Variants in RCSD1 observed in about 807,000 individuals in gnomAD.
RCSD1 encodes capZ-interacting protein.
RCSD1 carries 26 observed loss-of-function variants against 42.5 expected under a neutral mutation model. That is an observed-to-expected ratio of 0.61 (90% CI 0.45 to 0.85). RCSD1 has a LOEUF of 0.85. Ranked by LOEUF, RCSD1 falls within the 40% of genes least tolerant of loss-of-function variation. RCSD1 has a pLI of 0.00. For missense variants in RCSD1, 571 were observed against 528.3 expected (o/e 1.08, Z -0.79); for synonymous variants, 220 against 212.2 (o/e 1.04, Z -0.32).
intron 5 of RCSD1, 69 bp from the exon 6 acceptor site, chr1:167,697,030 T>G: frequency 7.0e-7 from 1 of 1,437,312 alleles, no homozygotes; most frequent in South Asian, 1.3e-5. Context: ...ACATTGAAAG[T>G]GCATACAGTC....
chr1:167,698,077 G>T (rs1175294125), intron 6 of RCSD1, among the ~76,000 whole-genome samples: 1 of 152,204 alleles, frequency 6.6e-6, no homozygotes, highest in African/African-American at 2.4e-5. Context: ...TCGCTGACTT[G>T]GAGTTCTGGC....
intron 1 of RCSD1, among the ~76,000 whole-genome samples, chr1:167,674,991 A>T (rs180886116): frequency 6.6e-6 from 1 of 151,962 alleles, no homozygotes; most frequent in Non-Finnish European, 1.5e-5. Context: ...TGAATCACAA[A>T]GTCAGGAGAT....
chr1:167,705,286 C>G lies in RCSD1; in HGVS notation c.*590C>G, dbSNP rs1028027652. The G allele has an allele frequency of 6.6e-6, 1 of 152,056 alleles. No individual in the cohort carries two copies. Among genetic ancestry groups the G allele is most frequent in the Non-Finnish European group, 1.5e-5 (1 of 68,072 alleles). 9.4% of individuals were successfully genotyped at this position (152,056 alleles called of 1,614,324 possible). ...TTTGATCCAAATTTGAACTGGCCAA[C>G]CAGTCTTTAAAACACTGGACTAGAA... On this transcript the variant is annotated 3_prime_UTR_variant, in exon 7 of 7. Transcript: ENST00000367854.
In RCSD1 at chr1:167,705,022, G is replaced by A; in HGVS notation, c.*326G>A. 4.1e-6 allele frequency: 1 copy of A among 246,566 alleles called. No individual in the cohort carries two copies. Among genetic ancestry groups the A allele is most frequent in the Non-Finnish European group, 7.9e-6 (1 of 126,144 alleles). 15.3% of individuals were successfully genotyped at this position (246,566 alleles called of 1,614,324 possible). On this transcript the variant is annotated 3_prime_UTR_variant, in exon 7 of 7. Transcript: ENST00000367854. ...GGCACTGGTCAGCCTGTGGAGCCCT[G>A]GATGCTATCCACACCCACCTATCCC...
intron 4 of RCSD1, among the ~76,000 whole-genome samples, chr1:167,691,929 T>C (rs1189150219): frequency 6.6e-6 from 1 of 152,142 alleles, no homozygotes; most frequent in Non-Finnish European, 1.5e-5. Flanking sequence ...CCTCCTAGCA[T>C]CCAGCTGAGG....
chr1:167,630,819 C>A, intron 1 of RCSD1: 1 of 179,708 alleles, frequency 5.6e-6, no homozygotes, highest in South Asian at 1.9e-4. Flanking sequence ...AGGCAGAAGC[C>A]CTTCAATCTG....
At chr1:167,642,488 T>C (rs1658031150) in intron 1 of RCSD1, among the ~76,000 whole-genome samples, 2 of 152,202 alleles carry the variant, frequency 1.3e-5, no homozygotes, top group African/African-American at 4.8e-5. Context: ...GAGAGGCAAG[T>C]AGGTTTGAAC....
intron 1 of RCSD1, among the ~76,000 whole-genome samples, chr1:167,634,250 C>T (rs1657774543): frequency 6.6e-6 from 1 of 152,230 alleles, no homozygotes; most frequent in African/African-American, 2.4e-5. Context: ...CTGGAACTGT[C>T]AGCCTCCCTA....
At chr1:167,645,615 CA>C (rs1658117556) in intron 1 of RCSD1, among the ~76,000 whole-genome samples, 1 of 152,016 alleles carries the variant, frequency 6.6e-6, no homozygotes, top group South Asian at 2.1e-4. Context: ...TTTTTTTAAA[CA>C]GATGGTAATA....
chr1:167,634,375 CA>C (rs1266182931), intron 1 of RCSD1, among the ~76,000 whole-genome samples: 2 of 143,290 alleles, frequency 1.4e-5, no homozygotes, highest in African/African-American at 5.1e-5. Context: ...GAAGGAAGAT[CA>C]GGGTTTTTTT....
chr1:167,691,617 A>G (rs981895657), intron 4 of RCSD1, among the ~76,000 whole-genome samples: 5 of 152,238 alleles, frequency 3.3e-5, no homozygotes, highest in African/African-American at 7.2e-5. Context: ...TTCTGAAGGC[A>G]TCAGAGGTGT....
chr1:167,649,538 G>T (rs75681843), intron 1 of RCSD1, among the ~76,000 whole-genome samples: 28 of 152,312 alleles, frequency 1.8e-4, no homozygotes, highest in Non-Finnish European at 3.2e-4. Context: ...GTGATGGGGG[G>T]GCAGAAAGTT....
At chr1:167,691,775 T>C (rs1395750746) in intron 4 of RCSD1, among the ~76,000 whole-genome samples, 1 of 152,170 alleles carries the variant, frequency 6.6e-6, no homozygotes, top group Admixed American at 6.5e-5. Flanking sequence ...CTGCAGTGTC[T>C]ACCTGAAATT....
At chr1:167,639,266 G>C (rs1008724815) in intron 1 of RCSD1, among the ~76,000 whole-genome samples, 2 of 126,864 alleles carry the variant, frequency 1.6e-5, no homozygotes, top group Non-Finnish European at 3.5e-5. Flanking sequence ...CAAACAAAAA[G>C]GTCCTCTGAC....
chr1:167,685,562 C>A, intron 3 of RCSD1, 52 bp downstream of exon 3: 1 of 1,504,418 alleles, frequency 6.6e-7, no homozygotes. Context: ...TTTCTTTCCT[C>A]TTCTTGAGGA....
At chr1:167,698,857 T>A (rs1171229374) in intron 6 of RCSD1, among the ~76,000 whole-genome samples, 1 of 151,602 alleles carries the variant, frequency 6.6e-6, no homozygotes, top group South Asian at 2.1e-4. Flanking sequence ...TGGAGTGCAG[T>A]GGCGGGATCT....
chr1:167,704,030 G>A (rs1659701911), intron 6 of RCSD1, among the ~76,000 whole-genome samples: 1 of 152,118 alleles, frequency 6.6e-6, no homozygotes, highest in African/African-American at 2.4e-5. Flanking sequence ...ATTCCCAAAT[G>A]TTTCCATTTC....
At position 167,638,946 on chromosome 1, in the gene RCSD1, G is replaced by A. The variant is rs1309155492; in HGVS notation, c.6+8517G>A. ...TAAAACCAAGGTCCTGGTCGGGGGCGGTGGCTTATGCCTGTAATCCCAGCT... is the reference window on the plus strand; with the variant it reads ...TAAAACCAAGGTCCTGGTCGGGGGCAGTGGCTTATGCCTGTAATCCCAGCT... On this transcript the variant is annotated intron_variant, in intron 1 of 6. Transcript: ENST00000367854. 3.3e-5 allele frequency among the ~76,000 whole-genome samples: 5 copies of A among 152,236 alleles called. No homozygotes were observed. In the East Asian group the frequency reaches 5.8e-4, roughly 18 times the overall value.
chr1:167,661,977 T>C (rs1322652910), intron 1 of RCSD1, among the ~76,000 whole-genome samples: 8 of 152,204 alleles, frequency 5.3e-5, no homozygotes, highest in Non-Finnish European at 8.8e-5. Flanking sequence ...AGCAACCTTG[T>C]ATGTTAACCT....
Sources: gnomAD v4.1 joint callset for allele counts (sites outside exome capture counted in the v4.1 genomes callset) on GRCh38, gnomAD v4.1.1 for gene constraint, MANE v1.5 for transcripts, NCBI Gene and HGNC (gene_info 2026-07-23, HGNC 2026-07-21) for gene names.